Variants in CA10 observed in about 807,000 individuals in gnomAD.
CA10 encodes the protein carbonic anhydrase-related protein 10.
CA10 carries 14 observed loss-of-function variants against 44.2 expected under a neutral mutation model. The observed-to-expected ratio is 0.32, with a 90% confidence interval of 0.21 to 0.50. The LOEUF (loss-of-function observed/expected upper bound fraction) is 0.50, where lower values mean the gene tolerates loss of function less well. Ranked by LOEUF, CA10 falls within the 20% of genes least tolerant of loss-of-function variation. The probability of loss-of-function intolerance (pLI) is 0.99; values close to 1 mark genes in which losing one functional copy is unlikely to be tolerated. For synonymous variants in CA10, 159 were observed against 141.6 expected (o/e 1.12, Z -0.87); for missense variants, 350 against 409.7 (o/e 0.85, Z 1.26).
chr17:51,873,433 C>G (rs1384299110), intron 3 of CA10, among the ~76,000 whole-genome samples: 1 of 152,168 alleles, frequency 6.6e-6, no homozygotes, highest in Non-Finnish European at 1.5e-5. Flanking sequence ...ACTCAGCAAT[C>G]GTTCTATCAT....
chr17:51,958,168 G>A (rs148046656), intron 2 of CA10, among the ~76,000 whole-genome samples: 18 of 152,124 alleles, frequency 1.2e-4, no homozygotes, highest in Non-Finnish European at 2.1e-4. Flanking sequence ...AAAAAAACAC[G>A]TAGCATTAGG....
chr17:51,817,185 T>A (rs1004715145), intron 3 of CA10, among the ~76,000 whole-genome samples: 2 of 152,168 alleles, frequency 1.3e-5, no homozygotes. Flanking sequence ...AAGGGTTTTT[T>A]ATGGATCATC....
At chr17:52,075,906 C>T (rs1007830221) in intron 1 of CA10, among the ~76,000 whole-genome samples, 3 of 152,108 alleles carry the variant, frequency 2.0e-5, no homozygotes, top group African/African-American at 7.2e-5. Flanking sequence ...CATTTGCCAC[C>T]CCATTACCCC....
At chr17:51,664,416 T>C (rs1914135378) in intron 4 of CA10, among the ~76,000 whole-genome samples, 1 of 152,086 alleles carries the variant, frequency 6.6e-6, no homozygotes, top group South Asian at 2.1e-4. Flanking sequence ...AATCTTCCAA[T>C]GTGATCTAGC....
At chr17:52,121,380 C>T (rs1989011141) in intron 1 of CA10, among the ~76,000 whole-genome samples, 1 of 151,792 alleles carries the variant, frequency 6.6e-6, no homozygotes, top group Non-Finnish European at 1.5e-5. Context: ...GGGAGAAGAC[C>T]TAGGTTGGAA....
chr17:51,672,124 AC>A (rs1243660427), intron 4 of CA10, among the ~76,000 whole-genome samples: 1 of 152,196 alleles, frequency 6.6e-6, no homozygotes, highest in Non-Finnish European at 1.5e-5. Context: ...CCTAGTATCC[AC>A]CAGACATGCA....
At chr17:51,992,949 A>G (rs764027437) in intron 2 of CA10, among the ~76,000 whole-genome samples, 18 of 152,136 alleles carry the variant, frequency 1.2e-4, no homozygotes, top group Non-Finnish European at 2.1e-4. Flanking sequence ...ATAAAATTCG[A>G]TTTTGTTTAC....
At chr17:52,005,927 G>A (rs1471552752) in intron 2 of CA10, among the ~76,000 whole-genome samples, 1 of 151,724 alleles carries the variant, frequency 6.6e-6, no homozygotes, top group Non-Finnish European at 1.5e-5. Context: ...CTGACTTAAA[G>A]GTTCAAAGCA....
At chr17:52,145,307 C>A (rs1195494697) in intron 1 of CA10, among the ~76,000 whole-genome samples, 1 of 152,170 alleles carries the variant, frequency 6.6e-6, no homozygotes, top group Non-Finnish European at 1.5e-5. Context: ...ATTTGGACAA[C>A]TTTCTGTAAA....
intron 3 of CA10, among the ~76,000 whole-genome samples, chr17:51,839,354 G>A (rs1210783400): frequency 5.3e-5 from 8 of 151,836 alleles, no homozygotes; most frequent in African/African-American, 1.5e-4. Flanking sequence ...TTAGCCGGGC[G>A]TGGTGGCATG....
chr17:51,957,332 G>A (rs971426846), intron 2 of CA10, among the ~76,000 whole-genome samples: 1 of 152,082 alleles, frequency 6.6e-6, no homozygotes, highest in Non-Finnish European at 1.5e-5. Context: ...TGTTTATTAT[G>A]AGAGTATCTA....
rs111948035 is a variant in CA10 at position 51,950,202 on chromosome 17, T to G, written c.137-19070A>C. Among the ~76,000 whole-genome samples the G allele has an allele frequency of 3.0e-3, 463 of 152,248 alleles. 1 individual carries two copies. Among genetic ancestry groups the G allele is most frequent in the African/African-American group, 0.011 (445 of 41,574 alleles). On this transcript the variant is annotated intron_variant, in intron 2 of 8. Transcript: ENST00000451037. The stretch of plus-strand genomic sequence containing the variant: ...TTCATATTCTCACCTACTTCAGGGC[T>G]GCTCAAAGGTCAATCTCAGAAGGGC...
chr17:51,909,541 A>G (rs914498576), intron 3 of CA10, among the ~76,000 whole-genome samples: 5 of 152,166 alleles, frequency 3.3e-5, no homozygotes, highest in Non-Finnish European at 7.4e-5. Flanking sequence ...ATAAAAAGCA[A>G]TCCTTTATAA....
At chr17:51,737,304 T>C (rs186360600) in intron 4 of CA10, among the ~76,000 whole-genome samples, 2 of 152,270 alleles carry the variant, frequency 1.3e-5, no homozygotes, top group Admixed American at 1.3e-4. Flanking sequence ...CTAAGCACAA[T>C]GCCTGAGACA....
intron 2 of CA10, among the ~76,000 whole-genome samples, chr17:52,013,467 A>G (rs1329458109): frequency 3.3e-5 from 5 of 152,016 alleles, no homozygotes; most frequent in African/African-American, 1.2e-4. Context: ...CAGTGGGTGT[A>G]TTAAACAACA....
chr17:51,813,787 G>C (rs1309288577), intron 3 of CA10, among the ~76,000 whole-genome samples: 1 of 152,156 alleles, frequency 6.6e-6, no homozygotes, highest in Non-Finnish European at 1.5e-5. Context: ...ACCACTCATG[G>C]GAAGCAGGTA....
intron 2 of CA10, among the ~76,000 whole-genome samples, chr17:52,022,993 T>C (rs7216540): frequency 0.99 from 150,330 of 152,214 alleles, 74,264 homozygotes; most frequent in East Asian, 1. Flanking sequence ...TCCATGCTCA[T>C]ATATTGGAAG....
chr17:51,632,845 CAG>C (rs1912644662), intron 8 of CA10, among the ~76,000 whole-genome samples: 1 of 152,160 alleles, frequency 6.6e-6, no homozygotes. Context: ...GTGTGCACCA[CAG>C]AGTTACAGGA....
At chr17:52,051,056 A>G (rs767801291) in intron 2 of CA10, among the ~76,000 whole-genome samples, 1 of 151,050 alleles carries the variant, frequency 6.6e-6, no homozygotes, top group Non-Finnish European at 1.5e-5. Context: ...GGAGGGAGGG[A>G]GGGGAAAAAT....
Sources: allele counts gnomAD v4.1 joint callset (sites outside exome capture counted in the v4.1 genomes callset), GRCh38; gene constraint gnomAD v4.1.1; transcripts MANE v1.5; gene names NCBI Gene and HGNC (gene_info 2026-07-23, HGNC 2026-07-21).